ZNF316: variants seen among roughly 807,000 people sequenced by gnomAD.
The protein encoded by ZNF316 is zinc finger protein 316.
In ZNF316, 23 loss-of-function variants were observed where a neutral mutation model predicts 75.6. The ratio of observed to expected loss-of-function variants is 0.30; its 90% CI spans 0.22 to 0.43. The LOEUF is 0.43. Ranked by LOEUF, ZNF316 falls within the 20% of genes least tolerant of loss-of-function variation. The probability of loss-of-function intolerance (pLI) is 1.00; values close to 1 mark genes in which losing one functional copy is unlikely to be tolerated. For missense variants in ZNF316, 1,266 were observed against 1,409.4 expected, an observed-to-expected ratio of 0.90 and a Z score of 1.63; for synonymous variants, 827 against 666.2, an observed-to-expected ratio of 1.24 and a Z score of -3.72.
Position 6,657,558 on chromosome 7 carries a change from C to T in ZNF316, c.*2947C>T, listed in dbSNP as rs1278391188. Among the ~76,000 whole-genome samples the T allele has an allele frequency of 3.9e-5, 6 of 151,960 alleles. No individual in the cohort carries two copies. The highest frequency in any genetic ancestry group is 7.4e-5 in the Non-Finnish European group (5 of 68,000). The stretch of plus-strand genomic sequence containing the variant: ...CAGAAAAGTTAAATGAGGCTGGGTG[C>T]GATGGCTCATGCCTGTAATCCCAGC... On this transcript the variant is annotated 3_prime_UTR_variant, in exon 9 of 9. Coordinates refer to ENST00000382252, the MANE Select transcript of ZNF316 (RefSeq NM_001278559.2).
At chr7:6,644,057 A>G (rs565884272) in intron 7 of ZNF316, 109 bp downstream of exon 7, 7 of 1,153,660 alleles carry the variant, frequency 6.1e-6, no homozygotes, top group Non-Finnish European at 7.6e-6. Context: ...CCAAAGGTGG[A>G]TGCTGGGCCC....
At chr7:6,641,505 C>T (rs1367325306) in intron 3 of ZNF316, among the ~76,000 whole-genome samples, 3 of 152,228 alleles carry the variant, frequency 2.0e-5, no homozygotes, top group Non-Finnish European at 1.5e-5. Context: ...GTCCCAGGGC[C>T]AGCAGCTCCC....
Position 6,646,283 on chromosome 7 carries a change from G to T in ZNF316, c.706+1690G>T, listed in dbSNP as rs563489068. Reference sequence around the variant, plus strand: ...TATTCCCCAGGTTTCAGTCAGGAGGGCTCTGGTTGGCAAGAAAGATCACTG... The same window carrying T: ...TATTCCCCAGGTTTCAGTCAGGAGGTCTCTGGTTGGCAAGAAAGATCACTG... On this transcript the variant is annotated intron_variant, in intron 8 of 8. Coordinates refer to ENST00000382252, the MANE Select transcript of ZNF316 (RefSeq NM_001278559.2). Among the ~76,000 whole-genome samples the T allele has an allele frequency of 2.0e-5, 3 of 152,194 alleles. No individual in the cohort carries two copies. In the South Asian group the frequency reaches 6.2e-4, roughly 32 times the overall value.
In ZNF316 at chr7:6,656,607, G is replaced by A. The variant is rs1779631969; in HGVS notation, c.*1996G>A. 6.6e-6 allele frequency among the ~76,000 whole-genome samples: 1 copy of A among 152,192 alleles called. No individual in the cohort carries two copies. Among genetic ancestry groups the A allele is most frequent in the Non-Finnish European group, 1.5e-5 (1 of 68,028 alleles). On this transcript the variant is annotated 3_prime_UTR_variant, in exon 9 of 9. Coordinates refer to ENST00000382252, the MANE Select transcript of ZNF316 (RefSeq NM_001278559.2). ...GTTGGCCCCAGGCCAGTGTGGCCCC[G>A]TGCTGCCCATGCCCACCGTATTCCT...
At chr7:6,648,958 T>C (rs1779457840) in intron 8 of ZNF316, among the ~76,000 whole-genome samples, 1 of 152,154 alleles carries the variant, frequency 6.6e-6, no homozygotes, top group Non-Finnish European at 1.5e-5. Flanking sequence ...ATCGTTCCTG[T>C]GACAGCCCCA....
chr7:6,645,037 C>G (rs575994732), intron 8 of ZNF316, among the ~76,000 whole-genome samples: 2 of 152,380 alleles, frequency 1.3e-5, no homozygotes, highest in South Asian at 2.1e-4. Context: ...ATGGGCAGGA[C>G]TCTGACCGGG....
Position 6,653,447 on chromosome 7 carries a change from C to T in ZNF316, c.1851C>T (p.Gly617=), listed in dbSNP as rs1779553788. 3 of 1,227,828 alleles carry T rather than the reference C, an allele frequency of 2.4e-6. No homozygotes were observed. Among genetic ancestry groups the T allele is most frequent in the East Asian group, 6.3e-5 (2 of 31,504 alleles). 76.1% of individuals were successfully genotyped at this position (1,227,828 alleles called of 1,614,324 possible). A position where few individuals can be genotyped will look rare whatever the true frequency, so the allele number is the denominator to read the frequency against. ...WLHPDSFPIL[G]LPDFRERLPV... Reference sequence around the variant, plus strand: ...ACCCGGACAGCTTCCCGATCCTGGGCCTACCCGACTTCCGAGAGCGGCTGC... The same window carrying T: ...ACCCGGACAGCTTCCCGATCCTGGGTCTACCCGACTTCCGAGAGCGGCTGC... The change falls in exon 9 of 9, where the codon GGC becomes GGT. Residue 617 remains glycine (G), a synonymous_variant. Coordinates refer to ENST00000382252, the MANE Select transcript of ZNF316 (RefSeq NM_001278559.2).
In ZNF316 at chr7:6,640,241, G is replaced by C. The variant is rs184595100; in HGVS notation, c.-167+1100G>C. ...TTTGTCCAGGTGTCAGGCTGTTCTC[G>C]CATTGCTGTAAAGAAATACCTGAGA... is the stretch of plus-strand genomic sequence containing the variant. On this transcript the variant is annotated intron_variant, in intron 3 of 8. Transcript: ENST00000382252. This position sits in a 1 kb window ranked among gnomAD's most constrained non-coding sequence, Gnocchi z 5.1. Among the ~76,000 whole-genome samples the C allele has an allele frequency of 4.1e-4, 63 of 152,260 alleles. No individual in the cohort carries two copies. The highest frequency in any genetic ancestry group is 1.4e-3 in the Admixed American group (22 of 15,294).
intron 7 of ZNF316, among the ~76,000 whole-genome samples, chr7:6,644,180 T>G (rs1779358410): frequency 1.3e-5 from 2 of 152,024 alleles, no homozygotes; most frequent in South Asian, 4.1e-4. Flanking sequence ...GCTGTCTGTC[T>G]CTGGTGTCTG....
chr7:6,646,870 G>A (rs1779414127), intron 8 of ZNF316, among the ~76,000 whole-genome samples: 1 of 152,090 alleles, frequency 6.6e-6, no homozygotes, highest in African/African-American at 2.4e-5. Context: ...GCTCCTTGAT[G>A]AGTTGGGCCA....
rs1779539513 is a variant in ZNF316 at position 6,653,027 on chromosome 7, G to A, written c.1431G>A (p.Ala477=). The change falls in exon 9 of 9, where the codon GCG becomes GCA. Residue 477 remains alanine, a synonymous_variant. Coordinates refer to ENST00000382252, the MANE Select transcript of ZNF316 (RefSeq NM_001278559.2). ...SQSSALARHQ[A]VHTADRPHCC... Reference sequence around the variant, plus strand: ...GCTCGGCGCTGGCACGGCACCAGGCGGTGCACACGGCCGACCGCCCGCACT... The same window carrying A: ...GCTCGGCGCTGGCACGGCACCAGGCAGTGCACACGGCCGACCGCCCGCACT... 6.5e-6 allele frequency: 8 copies of A among 1,224,154 alleles called. No homozygotes were observed. The highest frequency in any genetic ancestry group is 4.3e-5 in the Admixed American group (1 of 23,364). 75.8% of individuals were successfully genotyped at this position (1,224,154 alleles called of 1,614,324 possible).
intron 8 of ZNF316, 91 bp from the exon 9 acceptor site, chr7:6,652,212 G>A (rs569081526): frequency 2.8e-5 from 33 of 1,188,536 alleles, no homozygotes; most frequent in African/African-American, 2.5e-4. Flanking sequence ...GTGGCGTCTC[G>A]GAAGCCCTGA....
Position 6,654,320 on chromosome 7 carries a change from A to G in ZNF316, c.2724A>G (p.Thr908=). The change falls in exon 9 of 9, where the codon ACA becomes ACG. Residue 908 remains threonine (T), a synonymous_variant. Transcript: ENST00000382252. ...QRSVLVTHQR[T]HTGERPYACA... ...CGGTGCTGGTCACGCACCAGCGCAC[A>G]CATACGGGCGAGCGGCCCTACGCCT... The G allele has an allele frequency of 8.2e-7, 1 of 1,222,650 alleles. No individual in the cohort carries two copies. The highest frequency in any genetic ancestry group is 2.8e-4 in the Middle Eastern group (1 of 3,554). 75.7% of individuals were successfully genotyped at this position (1,222,650 alleles called of 1,614,324 possible). A position where few individuals can be genotyped will look rare whatever the true frequency, so the allele number is the denominator to read the frequency against.
At position 6,642,688 on chromosome 7, in the gene ZNF316, G is replaced by A; in HGVS notation, c.279G>A (p.Glu93=). ...ATGTGAAGGAGGTGCTGGCAGAGGA[G>A]GAGTGTCCGGCGTTGGGGACCCAGG... ...EEDVKEVLAE[E]ECPALGTQER... Residue 93 remains glutamate, a synonymous_variant, in exon 5 of 9, where the codon GAG becomes GAA. Transcript: ENST00000382252. The surrounding 1 kb of genome is among the most constrained non-coding windows in gnomAD (Gnocchi z 8.1). 1 of 1,235,808 alleles carries A rather than the reference G, an allele frequency of 8.1e-7. No homozygotes were observed. The highest frequency in any genetic ancestry group is 1.0e-6 in the Non-Finnish European group (1 of 990,418). The allele number at this position is 1,235,808 out of a possible 1,614,324, so 76.6% of individuals were successfully genotyped here.
intron 3 of ZNF316, among the ~76,000 whole-genome samples, chr7:6,641,589 T>C (rs1268402524): frequency 1.3e-5 from 2 of 152,244 alleles, no homozygotes; most frequent in African/African-American, 4.8e-5. Context: ...GCTTCTGGGC[T>C]GAGCTGTTAC....
chr7:6,652,551 G>A lies in ZNF316; in HGVS notation c.955G>A (p.Gly319Ser), dbSNP rs1305166076. Residue 319 changes from glycine to serine, a missense_variant, in exon 9 of 9, where the codon GGC becomes AGC. Coordinates refer to ENST00000382252, the MANE Select transcript of ZNF316 (RefSeq NM_001278559.2). ...CTCTGAAGCGAAGCCTTTCCTGCCC[G>A]GCCGGGAGCCGGGTGCGAACCTGCT... ...DGSEAKPFLPGREPGANLLSP... is the reference protein window; with the variant it reads ...DGSEAKPFLPSREPGANLLSP... The A allele has an allele frequency of 5.7e-6, 7 of 1,230,922 alleles. No homozygotes were observed. Among genetic ancestry groups the A allele is most frequent in the Non-Finnish European group, 7.1e-6 (7 of 987,468 alleles). 76.2% of individuals were successfully genotyped at this position (1,230,922 alleles called of 1,614,324 possible).
Position 6,644,534 on chromosome 7 carries a change from C to G in ZNF316, c.647C>G (p.Pro216Arg). The G allele has an allele frequency of 8.1e-7, 1 of 1,232,300 alleles. No homozygotes were observed. The highest frequency in any genetic ancestry group is 1.0e-6 in the Non-Finnish European group (1 of 988,024). 76.3% of individuals were successfully genotyped at this position (1,232,300 alleles called of 1,614,324 possible). Residue 216 changes from proline (P) to arginine (R), a missense_variant, in exon 8 of 9, where the codon CCT (proline) becomes CGT (arginine). By Grantham distance (103) the Pro-to-Arg change is moderately radical. Around this residue, in one of 3 missense-constraint regions of ZNF316, gnomAD observed 961 missense variants for 990.9 expected, o/e 0.97. Coordinates refer to ENST00000382252, the MANE Select transcript of ZNF316 (RefSeq NM_001278559.2). ...TTCCGGCTGGAACAAGGGGAAGAAC[C>G]TTGGGTCCCAGATAGTCCCCGACCT... ...LIFRLEQGEE[P>R]WVPDSPRPEE...
At chr7:6,638,158 T>A (rs1232225226) in intron 2 of ZNF316, 149 bp downstream of exon 2, 1 of 152,244 alleles carries the variant, frequency 6.6e-6, no homozygotes, top group Non-Finnish European at 1.5e-5. Flanking sequence ...CAGCTCTGCT[T>A]GTGTGGGGAG....
In ZNF316 at chr7:6,653,374, C is replaced by G. The variant is rs1779551237; in HGVS notation, c.1778C>G (p.Ser593Cys). Reference protein sequence around the residue: ...NGLGEGEGPSSHPLGFHFPVH... With the variant: ...NGLGEGEGPSCHPLGFHFPVH... ...CTGGGGGAGGGCGAAGGCCCCTCCT[C>G]CCACCCGCTGGGCTTCCACTTCCCC... The change falls in exon 9 of 9, where the codon TCC becomes TGC. Residue 593 changes from serine (S) to cysteine (C), a missense_variant. This residue lies in a region of ZNF316 where 961 missense variants were observed against 990.9 expected (regional missense o/e 0.97). Coordinates refer to ENST00000382252, the MANE Select transcript of ZNF316 (RefSeq NM_001278559.2). 1.6e-5 allele frequency: 20 copies of G among 1,226,386 alleles called. No individual in the cohort carries two copies. Among genetic ancestry groups the G allele is most frequent in the South Asian group, 4.1e-5 (1 of 24,308 alleles). The allele number at this position is 1,226,386 out of a possible 1,614,324, so 76.0% of individuals were successfully genotyped here.
Sources: allele counts gnomAD v4.1 joint callset (sites outside exome capture counted in the v4.1 genomes callset), GRCh38; gene constraint gnomAD v4.1.1; regional missense constraint gnomAD v4.1.1; non-coding constraint Gnocchi (gnomAD v3.1); transcripts MANE v1.5; gene names NCBI Gene and HGNC (gene_info 2026-07-23, HGNC 2026-07-21).